FAXC: variants seen among roughly 807,000 people sequenced by gnomAD.
FAXC encodes the protein failed axon connections homolog, metaxin like GST domain containing.
A neutral mutation model predicts 41.9 loss-of-function variants in FAXC; 10 were observed. The ratio of observed to expected loss-of-function variants is 0.24; its 90% confidence interval spans 0.15 to 0.41. The LOEUF (loss-of-function observed/expected upper bound fraction) is 0.41, where lower values mean the gene tolerates loss of function less well. Ranked by LOEUF, FAXC falls within the 10% of genes least tolerant of loss-of-function variation. The pLI is 1.00. For synonymous variants in FAXC, 183 were observed against 183.8 expected (o/e 1.00, Z 0.03); for missense variants, 399 against 510.9 (o/e 0.78, Z 2.11).
At chr6:99,283,770 T>C (rs1482835945) in intron 5 of FAXC, among the ~76,000 whole-genome samples, 1 of 152,036 alleles carries the variant, frequency 6.6e-6, no homozygotes, top group Non-Finnish European at 1.5e-5. Context: ...AATATCTAAT[T>C]GGGGAGGTAA....
intron 2 of FAXC, among the ~76,000 whole-genome samples, chr6:99,341,875 T>C (rs573188433): frequency 1.4e-4 from 20 of 142,986 alleles, no homozygotes; most frequent in African/African-American, 3.2e-4. Flanking sequence ...ACAGAGACTA[T>C]CTTCTCTGAC....
rs139232379 is a variant in FAXC, at chr6:99,342,904, C to T, written c.396G>A (p.Pro132=). Residue 132 remains proline (P), a synonymous_variant, in exon 2 of 6, where the codon CCG becomes CCA. Transcript: ENST00000389677. ...CATATTTGCACACAAGTACCTGATA[C>T]GGTAAGTCAGCCATCCTTAAATAAG... ...METYLRMADL[P]YQNYFGGKLS... The T allele has an allele frequency of 9.4e-6, 15 of 1,603,260 alleles. No individual in the cohort carries two copies. The highest frequency in any genetic ancestry group is 6.7e-5 in the African/African-American group (5 of 74,314).
At chr6:99,332,223 AAG>A (rs1167710391) in intron 3 of FAXC, among the ~76,000 whole-genome samples, 1 of 152,186 alleles carries the variant, frequency 6.6e-6, no homozygotes, top group Non-Finnish European at 1.5e-5. Context: ...TCCATTTAGA[AAG>A]AGAGTAGAAT....
At chr6:99,302,671 TA>T (rs1771760206) in intron 4 of FAXC, among the ~76,000 whole-genome samples, 1 of 151,534 alleles carries the variant, frequency 6.6e-6, no homozygotes, top group African/African-American at 2.4e-5. Flanking sequence ...AATAAAAAAA[TA>T]AAAATAAAAG....
intron 4 of FAXC, among the ~76,000 whole-genome samples, chr6:99,318,029 C>T (rs775400032): frequency 5.9e-5 from 9 of 152,054 alleles, no homozygotes; most frequent in Non-Finnish European, 1.3e-4. Context: ...GAGGCCGAGG[C>T]GGGTGGATCA....
intron 1 of FAXC, among the ~76,000 whole-genome samples, chr6:99,343,773 C>G (rs1489724055): frequency 6.6e-6 from 1 of 152,166 alleles, no homozygotes; most frequent in African/African-American, 2.4e-5. Context: ...ATGCCCTCAC[C>G]TAACCCTTCT....
Position 99,343,958 on chromosome 6 carries a change from T to C in FAXC, c.267-925A>G, listed in dbSNP as rs575495172. On this transcript the variant is annotated intron_variant, in intron 1 of 5. Transcript: ENST00000389677. ...CATCCATCTTTTCCTTTGGCTACTC[T>C]TTTGGGTGAGAAGGACTTCCCTGCA... is the stretch of plus-strand genomic sequence containing the variant. Among the ~76,000 whole-genome samples, 196 of 152,298 alleles carry C rather than the reference T, an allele frequency of 1.3e-3. 1 individual carries two copies. Among genetic ancestry groups the C allele is most frequent in the African/African-American group, 4.5e-3 (185 of 41,544 alleles).
intron 4 of FAXC, among the ~76,000 whole-genome samples, chr6:99,314,721 C>G (rs1263109403): frequency 6.6e-6 from 1 of 152,230 alleles, no homozygotes; most frequent in Non-Finnish European, 1.5e-5. Flanking sequence ...TCAGCCCCTG[C>G]CACCACTGCC....
At chr6:99,312,963 A>C (rs1261562360) in intron 4 of FAXC, among the ~76,000 whole-genome samples, 1 of 152,206 alleles carries the variant, frequency 6.6e-6, no homozygotes, top group Admixed American at 6.5e-5. Flanking sequence ...ATTGACAGAG[A>C]AGTGCCTCAT....
chr6:99,300,784 A>G (rs1374610840), intron 4 of FAXC, among the ~76,000 whole-genome samples: 1 of 152,234 alleles, frequency 6.6e-6, no homozygotes, highest in East Asian at 1.9e-4. Context: ...TTCAATAAAG[A>G]CTATCTGGTA....
intron 1 of FAXC, among the ~76,000 whole-genome samples, chr6:99,343,384 T>C (rs755051542): frequency 2.0e-5 from 3 of 152,198 alleles, no homozygotes; most frequent in African/African-American, 4.8e-5. Context: ...CGGCTGTATT[T>C]ACCTGCTAGG....
At chr6:99,321,147 A>T (rs1352848737) in intron 4 of FAXC, among the ~76,000 whole-genome samples, 4 of 152,202 alleles carry the variant, frequency 2.6e-5, no homozygotes, top group Non-Finnish European at 5.9e-5. Flanking sequence ...ACTATAAGCT[A>T]GTTGAGAGAG....
At chr6:99,285,933 A>T (rs1180482788) in intron 5 of FAXC, among the ~76,000 whole-genome samples, 2 of 152,232 alleles carry the variant, frequency 1.3e-5, no homozygotes, top group Non-Finnish European at 2.9e-5. Context: ...CCAAACCCAG[A>T]ATCCAGAAGT....
chr6:99,307,588 G>C (rs1771975694), intron 4 of FAXC, among the ~76,000 whole-genome samples: 1 of 152,140 alleles, frequency 6.6e-6, no homozygotes, highest in Non-Finnish European at 1.5e-5. Context: ...TCAAGGGTGG[G>C]GTGTTGCGGG....
chr6:99,345,195 G>A (rs1262660594), intron 1 of FAXC, among the ~76,000 whole-genome samples: 2 of 152,132 alleles, frequency 1.3e-5, no homozygotes, highest in Non-Finnish European at 2.9e-5. Context: ...TATTAAAACT[G>A]CCAGTTTGAC....
chr6:99,288,803 G>A (rs1771117103), intron 5 of FAXC, among the ~76,000 whole-genome samples: 2 of 150,664 alleles, frequency 1.3e-5, no homozygotes, highest in Non-Finnish European at 3.0e-5. Flanking sequence ...AGTGAGAGCT[G>A]CTGGCGTCAG....
intron 4 of FAXC, among the ~76,000 whole-genome samples, chr6:99,307,078 G>T (rs1352539716): frequency 6.6e-6 from 1 of 152,168 alleles, no homozygotes; most frequent in African/African-American, 2.4e-5. Context: ...GGGCTCCTCG[G>T]TTCCTCTCTC....
intron 2 of FAXC, among the ~76,000 whole-genome samples, chr6:99,339,738 T>C (rs940883397): frequency 6.6e-6 from 1 of 151,008 alleles, no homozygotes; most frequent in Non-Finnish European, 1.5e-5. Context: ...CATAGAGCAA[T>C]GCAAAGGAAG....
In FAXC at chr6:99,274,416, G is replaced by A. The variant is rs1770526632; in HGVS notation, c.*6748C>T. The A allele has an allele frequency of 6.6e-6, 1 of 151,826 alleles. No individual in the cohort carries two copies. Among genetic ancestry groups the A allele is most frequent in the Non-Finnish European group, 1.5e-5 (1 of 67,978 alleles). 9.4% of individuals were successfully genotyped at this position (151,826 alleles called of 1,614,324 possible). On this transcript the variant is annotated 3_prime_UTR_variant, in exon 6 of 6. Coordinates refer to ENST00000389677, the MANE Select transcript of FAXC (RefSeq NM_032511.4). ...TCTACCACAGCCATACCACATGGTT[G>A]CTTGAAATTTTGACATTTGTTACTG...
Sources: allele counts gnomAD v4.1 joint callset (sites outside exome capture counted in the v4.1 genomes callset), GRCh38; gene constraint gnomAD v4.1.1; transcripts MANE v1.5; gene names NCBI Gene and HGNC (gene_info 2026-07-23, HGNC 2026-07-21).